The following TMEM237 variants were observed in gnomAD, a reference collection of about 807,000 sequenced individuals.
TMEM237 encodes the protein amyotrophic lateral sclerosis 2 (juvenile) chromosome region, candidate 4.
A neutral mutation model predicts 59.1 loss-of-function variants in TMEM237; 51 were observed. That is an observed-to-expected ratio of 0.86 (90% CI 0.69 to 1.09). TMEM237 has a LOEUF of 1.09. Ranked by LOEUF, TMEM237 falls within the 50% of genes least tolerant of loss-of-function variation. The probability of loss-of-function intolerance (pLI) is 0.00; values close to 1 mark genes in which losing one functional copy is unlikely to be tolerated. For synonymous variants in TMEM237, 140 were observed against 166.1 expected, an observed-to-expected ratio of 0.84 and a Z score of 1.21; for missense variants, 475 against 478.3, an observed-to-expected ratio of 0.99 and a Z score of 0.06.
At position 201,636,737 on chromosome 2, in the gene TMEM237, T is replaced by C. The variant is rs200487330; in HGVS notation, c.274+11A>G. The C allele has an allele frequency of 3.9e-4, 616 of 1,563,320 alleles. 8 individuals are homozygous for C. The South Asian group carries it at 5.8e-3, about 15-fold the overall frequency. ...GTGCTATCACAACTTAACCTTGGTT[T>C]CTTCACATACCAAGAGGTAGCCTTG... On this transcript the variant is annotated intron_variant, in intron 5 of 12. Coordinates refer to ENST00000409883, the MANE Select transcript of TMEM237 (RefSeq NM_001044385.3).
At chr2:201,642,243 G>C (rs1164636055) in intron 1 of TMEM237, among the ~76,000 whole-genome samples, 1 of 152,182 alleles carries the variant, frequency 6.6e-6, no homozygotes, top group Non-Finnish European at 1.5e-5. Context: ...GCTTGCATAA[G>C]ACATTTATTC....
chr2:201,632,560 G>A lies in TMEM237; in HGVS notation c.396-352C>T, dbSNP rs527577013. 2.6e-5 allele frequency among the ~76,000 whole-genome samples: 4 copies of A among 152,320 alleles called. No homozygotes were observed. In the East Asian group the frequency reaches 7.7e-4, roughly 29 times the overall value. On this transcript the variant is annotated intron_variant, in intron 6 of 12. Coordinates refer to ENST00000409883, the MANE Select transcript of TMEM237 (RefSeq NM_001044385.3). ...CCACCTGTCAAGGGACTGTTCTGGT[G>A]ATAGTGAGTTCTCAGGAGATCTGAT...
At position 201,629,383 on chromosome 2, in the gene TMEM237, C is replaced by A; in HGVS notation, c.716G>T (p.Cys239Phe). 6.3e-7 allele frequency: 1 copy of A among 1,592,158 alleles called. No homozygotes were observed. The highest frequency in any genetic ancestry group is 1.9e-5 in the Admixed American group (1 of 53,282). The change falls in exon 9 of 13, where the codon TGT (cysteine) becomes TTT (phenylalanine). Residue 239 changes from cysteine (C) to phenylalanine (F), a missense_variant. Cys to Phe is a radical substitution (Grantham distance 205). Coordinates refer to ENST00000409883, the MANE Select transcript of TMEM237 (RefSeq NM_001044385.3). ...TATCACAACAATATTCCACACAGCACAGCCAGCCAAGAATCCATGAGAAAA... is the reference window on the plus strand; with the variant it reads ...TATCACAACAATATTCCACACAGCAAAGCCAGCCAAGAATCCATGAGAAAA... The part of the protein sequence containing the change: ...GLFSHGFLAG[C>F]AVWNIVVIYV...
At chr2:201,637,973 G>A (rs1377369038) in intron 4 of TMEM237, among the ~76,000 whole-genome samples, 1 of 152,136 alleles carries the variant, frequency 6.6e-6, no homozygotes, top group Non-Finnish European at 1.5e-5. Context: ...AGGTAATTTA[G>A]CAGAGTCAGT....
Position 201,624,206 on chromosome 2 carries a change from A to G in TMEM237, c.*49T>C. On this transcript the variant is annotated 3_prime_UTR_variant, in exon 13 of 13. Transcript: ENST00000409883. ...ATCTTATAAAAATACATTTAAAAAC[A>G]AAAATGGGACAAATACTGGGTCATT... 1 of 1,514,226 alleles carries G rather than the reference A, an allele frequency of 6.6e-7. No individual in the cohort carries two copies. Among genetic ancestry groups the G allele is most frequent in the East Asian group, 2.3e-5 (1 of 44,102 alleles). The allele number at this position is 1,514,226 out of a possible 1,614,324, so 93.8% of individuals were successfully genotyped here.
intron 4 of TMEM237, among the ~76,000 whole-genome samples, chr2:201,637,752 A>G (rs2105902856): frequency 6.6e-6 from 1 of 151,164 alleles, no homozygotes; most frequent in South Asian, 2.1e-4. Context: ...CTCAAAAAAA[A>G]AAAAAAAAAA....
At chr2:201,642,122 AATAAGAAAAGTGTT>A (rs1412190176) in intron 1 of TMEM237, among the ~76,000 whole-genome samples, 1 of 152,234 alleles carries the variant, frequency 6.6e-6, no homozygotes, top group African/African-American at 2.4e-5. Context: ...CATTTACATG[AATAAGAAAAGTGTT>A]TGTAGTTCAG....
chr2:201,639,100 G>C, intron 3 of TMEM237, 55 bp from the exon 4 acceptor site: 5 of 1,468,772 alleles, frequency 3.4e-6, no homozygotes, highest in Middle Eastern at 1.7e-4. Context: ...TCAATGCAGA[G>C]AACAGTCAGA....
At chr2:201,628,999 G>C (rs571820391) in intron 9 of TMEM237, among the ~76,000 whole-genome samples, 2 of 152,328 alleles carry the variant, frequency 1.3e-5, no homozygotes, top group East Asian at 3.9e-4. Context: ...ATATTTGGAT[G>C]AAATTTTGGA....
At chr2:201,642,667 A>C (rs775150691) in intron 1 of TMEM237, 91 of 1,606,566 alleles carry the variant, frequency 5.7e-5, no homozygotes, top group Non-Finnish European at 7.4e-5. Context: ...GCCCCCAAGC[A>C]CCTGGCGCCC....
In TMEM237 at chr2:201,624,270, G is replaced by A. The variant is rs1317494328; in HGVS notation, c.1212C>T (p.Ile404=). 6.8e-6 allele frequency: 11 copies of A among 1,611,918 alleles called. No homozygotes were observed. In the Admixed American group the frequency reaches 1.7e-4, roughly 24 times the overall value. Residue 404 remains isoleucine (I), a synonymous_variant, in exon 13 of 13, where the codon ATC becomes ATT. Coordinates refer to ENST00000409883, the MANE Select transcript of TMEM237 (RefSeq NM_001044385.3). The part of the protein sequence containing the change: ...VEEYPDKEKE[I]KASS ...TGAGCTGGTATTATGAAGAGGCTTT[G>A]ATTTCTTTCTCTTTATCAGGATATT...
At chr2:201,642,531 A>G (rs1256595020) in intron 1 of TMEM237, 20 of 1,534,224 alleles carry the variant, frequency 1.3e-5, no homozygotes, top group East Asian at 2.5e-5. Context: ...CAGAGACCCA[A>G]CCTCTAATCC....
At chr2:201,642,439 T>G (rs1687443369) in intron 1 of TMEM237, among the ~76,000 whole-genome samples, 1 of 152,166 alleles carries the variant, frequency 6.6e-6, no homozygotes, top group Non-Finnish European at 1.5e-5. Context: ...CTAAAGATGC[T>G]ACGAAGCGCG....
In TMEM237 at chr2:201,624,211, T is replaced by G; in HGVS notation, c.*44A>C. On this transcript the variant is annotated 3_prime_UTR_variant, in exon 13 of 13. Coordinates refer to ENST00000409883, the MANE Select transcript of TMEM237 (RefSeq NM_001044385.3). ...ATAAAAATACATTTAAAAACAAAAA[T>G]GGGACAAATACTGGGTCATTATTCC... The G allele has an allele frequency of 6.6e-7, 1 of 1,522,752 alleles. No individual in the cohort carries two copies. The highest frequency in any genetic ancestry group is 1.2e-5 in the South Asian group (1 of 85,812). The allele number at this position is 1,522,752 out of a possible 1,614,324, so 94.3% of individuals were successfully genotyped here.
chr2:201,626,621 G>A (rs1036282262), intron 11 of TMEM237, among the ~76,000 whole-genome samples: 7 of 149,804 alleles, frequency 4.7e-5, no homozygotes, highest in African/African-American at 1.5e-4. Flanking sequence ...ATGGCTGGCC[G>A]CTGATCTGCA....
chr2:201,641,718 A>T (rs1420413764), intron 1 of TMEM237, among the ~76,000 whole-genome samples: 10 of 128,034 alleles, frequency 7.8e-5, no homozygotes, highest in African/African-American at 2.9e-4. Flanking sequence ...ATATATATAT[A>T]TATACACAAG....
In TMEM237 at chr2:201,643,274, G is replaced by GGGCCCCCCCCCCCCCC; in HGVS notation, c.42+84_42+85insGGGGGGGGGGGGGGCC. ...CCTTAGTGATTCCCAGCTCGTTGGC[G>GGGCCCCCCCCCCCCCC]CCCCCCCACACACACCCACCCCCAC... On this transcript the variant is annotated intron_variant, in intron 1 of 12. Transcript: ENST00000409883. The surrounding 1 kb of genome is among the most constrained non-coding windows in gnomAD (Gnocchi z 4.3). The GGGCCCCCCCCCCCCCC allele has an allele frequency of 8.3e-7, 1 of 1,206,760 alleles. No homozygotes were observed. The highest frequency in any genetic ancestry group is 1.2e-6 in the Non-Finnish European group (1 of 849,320). The allele number at this position is 1,206,760 out of a possible 1,614,324, so 74.8% of individuals were successfully genotyped here.
In TMEM237 at chr2:201,643,274, G is replaced by GGCCCCCCCCCCACCCCCC; in HGVS notation, c.42+84_42+85insGGGGGGTGGGGGGGGGGC. On this transcript the variant is annotated intron_variant, in intron 1 of 12. Transcript: ENST00000409883. The surrounding 1 kb of genome is among the most constrained non-coding windows in gnomAD (Gnocchi z 4.3). ...CCTTAGTGATTCCCAGCTCGTTGGC[G>GGCCCCCCCCCCACCCCCC]CCCCCCCACACACACCCACCCCCAC... is the stretch of plus-strand genomic sequence containing the variant. 8.3e-7 allele frequency: 1 copy of GGCCCCCCCCCCACCCCCC among 1,206,754 alleles called. No individual in the cohort carries two copies. The highest frequency in any genetic ancestry group is 1.2e-6 in the Non-Finnish European group (1 of 849,316). The allele number at this position is 1,206,754 out of a possible 1,614,324, so 74.8% of individuals were successfully genotyped here.
chr2:201,636,904 G>C lies in TMEM237; in HGVS notation c.137-19C>G, dbSNP rs369430368. On this transcript the variant is annotated intron_variant, in intron 4 of 12. Coordinates refer to ENST00000409883, the MANE Select transcript of TMEM237 (RefSeq NM_001044385.3). Reference sequence around the variant, plus strand: ...GCACTTGCTATAGAAAAACAGAGTAGAAAAAAATGAGATTACTTGAGCAAA... The same window carrying C: ...GCACTTGCTATAGAAAAACAGAGTACAAAAAAATGAGATTACTTGAGCAAA... 1.1e-5 allele frequency: 18 copies of C among 1,576,740 alleles called. No individual in the cohort carries two copies. The African/African-American group carries it at 2.2e-4, about 19-fold the overall frequency.
Sources: allele counts gnomAD v4.1 joint callset (sites outside exome capture counted in the v4.1 genomes callset), GRCh38; gene constraint gnomAD v4.1.1; non-coding constraint Gnocchi (gnomAD v3.1); transcripts MANE v1.5; gene names NCBI Gene and HGNC (gene_info 2026-07-23, HGNC 2026-07-21).